Variants in ANK2 observed in about 807,000 individuals in gnomAD.
ANK2 encodes ankyrin 2.
Under a neutral mutation model 360.5 loss-of-function variants are expected in ANK2, and 83 were observed. The observed-to-expected ratio is 0.23, with a 90% CI of 0.19 to 0.28. The LOEUF is 0.28. Among genes scored for constraint, ANK2 ranks in the 10% least tolerant of loss-of-function variants. The pLI is 1.00. For synonymous variants in ANK2, 1,740 were observed against 1,759.5 expected, an observed-to-expected ratio of 0.99 and a Z score of 0.28; for missense variants, 4,201 against 4,795.7, an observed-to-expected ratio of 0.88 and a Z score of 3.66.
chr4:113,081,813 T>A (rs968612575), intron 1 of ANK2, among the ~76,000 whole-genome samples: 1 of 143,152 alleles, frequency 7.0e-6, no homozygotes, highest in African/African-American at 2.7e-5. Context: ...AAACACGTAT[T>A]TTTTTTTTTT....
chr4:113,187,050 C>A (rs1008930003), intron 2 of ANK2, among the ~76,000 whole-genome samples: 7 of 152,038 alleles, frequency 4.6e-5, no homozygotes, highest in African/African-American at 1.7e-4. Flanking sequence ...TTCCCCATTC[C>A]ACACCCCACC....
At chr4:112,995,117 G>GTA (rs796143889) in intron 2 of ANK2, among the ~76,000 whole-genome samples, 12 of 152,282 alleles carry the variant, frequency 7.9e-5, no homozygotes, top group African/African-American at 2.9e-4. Flanking sequence ...TTTCCTTTGG[G>GTA]TATATATTCA....
At chr4:113,165,216 T>C (rs957544955) in intron 1 of ANK2, among the ~76,000 whole-genome samples, 7 of 152,174 alleles carry the variant, frequency 4.6e-5, no homozygotes, top group Admixed American at 4.6e-4. Context: ...TGATACAAAT[T>C]GTTTTAAAAA....
At chr4:112,884,025 G>T (rs2077563931) in intron 1 of ANK2, among the ~76,000 whole-genome samples, 1 of 151,726 alleles carries the variant, frequency 6.6e-6, no homozygotes. Context: ...AGCCAAATTT[G>T]GTCTCATAGC....
intron 1 of ANK2, among the ~76,000 whole-genome samples, chr4:112,824,034 C>G (rs2057806887): frequency 1.3e-5 from 2 of 152,150 alleles, no homozygotes; most frequent in African/African-American, 4.8e-5. Flanking sequence ...TAAGGACAAT[C>G]TTTTAAACCT....
the ANK2 span, among the ~76,000 whole-genome samples, chr4:112,752,815 G>A: frequency 4.0e-3 from 607 of 152,134 alleles, 3 homozygotes; most frequent in African/African-American, 0.013. Context: ...ACAGGCATGC[G>A]CCACGATACC....
In ANK2 at chr4:113,356,296, C is replaced by G. The variant is rs762896657; in HGVS notation, c.7678C>G (p.Pro2560Ala). ...VTPKTTDVST[P>A]KPAVIHECAE... ...ACCCAAAACCACAGATGTAAGTACA[C>G]CAAAACCAGCTGTGATTCATGAATG... Residue 2560 changes from proline (P) to alanine (A), a missense_variant, in exon 38 of 46, where the codon CCA becomes GCA. Coordinates refer to ENST00000357077, the MANE Select transcript of ANK2 (RefSeq NM_001148.6). 2 of 1,614,084 alleles carry G rather than the reference C, an allele frequency of 1.2e-6. No homozygotes were observed. The highest frequency in any genetic ancestry group is 2.2e-5 in the South Asian group (2 of 91,076).
At chr4:113,190,551 CTG>C (rs2098643497) in intron 2 of ANK2, among the ~76,000 whole-genome samples, 2 of 151,382 alleles carry the variant, frequency 1.3e-5, no homozygotes, top group African/African-American at 4.9e-5. Flanking sequence ...TTTTTAGAGA[CTG>C]AGATATTTTC....
intron 13 of ANK2, among the ~76,000 whole-genome samples, chr4:113,264,071 C>A (rs939425209): frequency 2.0e-5 from 3 of 152,330 alleles, no homozygotes; most frequent in Middle Eastern, 3.4e-3. Flanking sequence ...CTGACAGTCA[C>A]TTTATTCATC....
At chr4:113,317,279 C>T (rs1402874087) in intron 24 of ANK2, among the ~76,000 whole-genome samples, 1 of 152,114 alleles carries the variant, frequency 6.6e-6, no homozygotes, top group Admixed American at 6.6e-5. Context: ...TCATTTTGTT[C>T]TTCTCTCTGA....
the ANK2 span, among the ~76,000 whole-genome samples, chr4:112,722,071 C>G: frequency 2.6e-4 from 40 of 152,322 alleles, no homozygotes; most frequent in Non-Finnish European, 4.9e-4. Context: ...GCTTTTGACT[C>G]TGCAGTCACA....
At chr4:112,931,754 C>G (rs1004406492) in intron 2 of ANK2, among the ~76,000 whole-genome samples, 2 of 152,154 alleles carry the variant, frequency 1.3e-5, no homozygotes, top group African/African-American at 2.4e-5. Flanking sequence ...TGTGATAACT[C>G]TTTCAAACAG....
At chr4:113,022,208 A>G (rs570234167) in intron 2 of ANK2, among the ~76,000 whole-genome samples, 4 of 152,364 alleles carry the variant, frequency 2.6e-5, no homozygotes, top group Admixed American at 2.0e-4. Flanking sequence ...TGTCGAGACT[A>G]GTATTTCTTA....
At chr4:113,150,614 A>T (rs1276849188) in intron 1 of ANK2, among the ~76,000 whole-genome samples, 1 of 152,134 alleles carries the variant, frequency 6.6e-6, no homozygotes, top group Non-Finnish European at 1.5e-5. Context: ...GACTTTGAAT[A>T]TTGTGTTCCC....
chr4:112,878,097 A>G (rs545463597), intron 1 of ANK2, among the ~76,000 whole-genome samples: 1 of 152,096 alleles, frequency 6.6e-6, no homozygotes, highest in South Asian at 2.1e-4. Flanking sequence ...TTTGAAACCT[A>G]TATGTAAATT....
chr4:112,792,394 G>A, the ANK2 span, among the ~76,000 whole-genome samples: 1 of 152,076 alleles, frequency 6.6e-6, no homozygotes, highest in African/African-American at 2.4e-5. Flanking sequence ...TGTAAATTTT[G>A]CATCAGGCAG....
chr4:113,113,223 C>T (rs1269700002), intron 1 of ANK2, among the ~76,000 whole-genome samples: 2 of 150,150 alleles, frequency 1.3e-5, no homozygotes, highest in Non-Finnish European at 3.0e-5. Flanking sequence ...TTTTAACTGT[C>T]TTTGTAGTGC....
chr4:113,242,364 G>T (rs970334408), intron 9 of ANK2, among the ~76,000 whole-genome samples, 155 bp downstream of exon 9: 2 of 152,126 alleles, frequency 1.3e-5, no homozygotes, highest in South Asian at 2.1e-4. Flanking sequence ...CATTTAAAGG[G>T]TTCATACCGT....
chr4:112,763,514 G>T, the ANK2 span, among the ~76,000 whole-genome samples: 7 of 146,262 alleles, frequency 4.8e-5, no homozygotes, highest in East Asian at 1.4e-3. Flanking sequence ...TTATAAGCGT[G>T]AGCCACAGCG....
Sources: allele counts gnomAD v4.1 joint callset (sites outside exome capture counted in the v4.1 genomes callset), GRCh38; gene constraint gnomAD v4.1.1; transcripts MANE v1.5; gene names NCBI Gene and HGNC (gene_info 2026-07-23, HGNC 2026-07-21).